ABHD12: variants seen among roughly 807,000 people sequenced by gnomAD.
ABHD12 encodes the protein lysophosphatidylserine lipase ABHD12.
Under a neutral mutation model 58.3 loss-of-function variants are expected in ABHD12, and 43 were observed. The observed-to-expected ratio is 0.74, with a 90% CI of 0.58 to 0.95. The LOEUF is 0.95. Among genes scored for constraint, ABHD12 ranks in the 40% least tolerant of loss-of-function variants. The pLI is 0.00. For missense variants in ABHD12, 539 were observed against 537.2 expected (o/e 1.00, Z -0.03); for synonymous variants, 219 against 211.2 (o/e 1.04, Z -0.32).
At position 25,355,605 on chromosome 20, in the gene ABHD12, C is replaced by T. The variant is rs535506863; in HGVS notation, c.192-16254G>A. Among the ~76,000 whole-genome samples the T allele has an allele frequency of 5.3e-5, 8 of 152,300 alleles. No individual in the cohort carries two copies. In the East Asian group the frequency reaches 1.5e-3, roughly 29 times the overall value. On this transcript the variant is annotated intron_variant, in intron 1 of 12. Coordinates refer to ENST00000339157, the MANE Select transcript of ABHD12 (RefSeq NM_001042472.3). ...GAGACAGTCTTGCTCTGTCACCAGGCTGGAGTGCAGTGGCACGATCCCAGC... is the reference window on the plus strand; with the variant it reads ...GAGACAGTCTTGCTCTGTCACCAGGTTGGAGTGCAGTGGCACGATCCCAGC...
chr20:25,350,045 T>C (rs557545689), intron 1 of ABHD12, among the ~76,000 whole-genome samples: 1 of 152,156 alleles, frequency 6.6e-6, no homozygotes, highest in Non-Finnish European at 1.5e-5. Context: ...GCTTACAAAG[T>C]TAGTAAAATT....
chr20:25,348,244 C>T (rs2089547349), intron 1 of ABHD12, among the ~76,000 whole-genome samples: 2 of 150,896 alleles, frequency 1.3e-5, no homozygotes, highest in Non-Finnish European at 3.0e-5. Context: ...CAGATAAAAA[C>T]AACAAATACA....
chr20:25,298,372 TCTC>T (rs1362604905), downstream of ABHD12, among the ~76,000 whole-genome samples: 2 of 152,102 alleles, frequency 1.3e-5, no homozygotes, highest in South Asian at 2.1e-4. Context: ...TTCAAGCAAT[TCTC>T]CTGCCTCAGC....
At position 25,302,256 on chromosome 20, in the gene ABHD12, A is replaced by G; in HGVS notation, c.1120T>C (p.Tyr374His). 1 of 1,613,680 alleles carries G rather than the reference A, an allele frequency of 6.2e-7. No individual in the cohort carries two copies. The highest frequency in any genetic ancestry group is 8.5e-7 in the Non-Finnish European group (1 of 1,179,984). Residue 374 changes from tyrosine to histidine, a missense_variant, in exon 12 of 13, where the codon TAC becomes CAC. Tyr to His is a moderately conservative substitution (Grantham distance 83). Transcript: ENST00000339157. Reference sequence around the variant, plus strand: ...GGCAGCTCAGGGCTCTTGTAAATGTATTTGTGCCTGTAGCCAAGGTCTGAA... The same window carrying G: ...GGCAGCTCAGGGCTCTTGTAAATGTGTTTGTGCCTGTAGCCAAGGTCTGAA... ...FHSDLGYRHK[Y>H]IYKSPELPRI...
intron 1 of ABHD12, among the ~76,000 whole-genome samples, chr20:25,375,734 A>T (rs1477469013): frequency 6.6e-6 from 1 of 152,060 alleles, no homozygotes; most frequent in Non-Finnish European, 1.5e-5. Flanking sequence ...TGTTTCGTGT[A>T]TGTTGTCGTT....
At chr20:25,381,907 C>A (rs149797374) in intron 1 of ABHD12, among the ~76,000 whole-genome samples, 86 of 152,254 alleles carry the variant, frequency 5.6e-4, no homozygotes, top group African/African-American at 1.9e-3. Flanking sequence ...ATCTGCCTGC[C>A]TCGGCCTCCC....
chr20:25,370,645 T>C lies in ABHD12; in HGVS notation c.191+19868A>G, dbSNP rs868703033. On this transcript the variant is annotated intron_variant, in intron 1 of 12. Transcript: ENST00000339157. ...GTAGTGGAGATGGCAGGTCTGCCAC[T>C]TGGATGGGTGTGCGACCCTGGGCAA... Among the ~76,000 whole-genome samples the C allele has an allele frequency of 1.2e-4, 19 of 152,252 alleles. No individual in the cohort carries two copies. The Middle Eastern group carries it at 0.01, about 82-fold the overall frequency.
At chr20:25,371,052 G>A (rs1356353370) in intron 1 of ABHD12, among the ~76,000 whole-genome samples, 1 of 152,076 alleles carries the variant, frequency 6.6e-6, no homozygotes, top group Non-Finnish European at 1.5e-5. Context: ...CCCATCATGA[G>A]CAAGCTGCAA....
At chr20:25,362,423 C>T (rs547336963) in intron 1 of ABHD12, among the ~76,000 whole-genome samples, 202 of 150,082 alleles carry the variant, frequency 1.3e-3, no homozygotes, top group South Asian at 6.8e-3. Flanking sequence ...AAAAATCAGC[C>T]GGGCGTGGTG....
intron 1 of ABHD12, among the ~76,000 whole-genome samples, chr20:25,348,446 T>TAAAAAAAAAAAAAAAAAAAAAAAAAAAAA (rs59369733): frequency 8.0e-6 from 1 of 124,278 alleles, no homozygotes; most frequent in Non-Finnish European, 1.7e-5. Flanking sequence ...AACCATTTGG[T>TAAAAAAAAAAAAAAAAAAAAAAAAAAAAA]AAAAAAAAAA....
At position 25,376,635 on chromosome 20, in the gene ABHD12, T is replaced by C. The variant is rs189649240; in HGVS notation, c.191+13878A>G. On this transcript the variant is annotated intron_variant, in intron 1 of 12. Coordinates refer to ENST00000339157, the MANE Select transcript of ABHD12 (RefSeq NM_001042472.3). ...TGCTTTATTTTTCTTTATAGCACTT[T>C]ATCACCCTTTGAAATTTTACTGTAT... Among the ~76,000 whole-genome samples, 140 of 152,316 alleles carry C rather than the reference T, an allele frequency of 9.2e-4. 1 individual carries two copies. The South Asian group carries it at 0.013, about 14-fold the overall frequency.
At chr20:25,295,138 TTTTG>T (rs2088520490) in intron 12 of ABHD12, 1 of 1,205,392 alleles carries the variant, frequency 8.3e-7, no homozygotes, top group Non-Finnish European at 1.2e-6. Context: ...AATCTGGCAT[TTTTG>T]TTCAGCACAT....
At chr20:25,339,476 C>A in intron 1 of ABHD12, 125 bp from the exon 2 acceptor site, 1 of 1,472,878 alleles carries the variant, frequency 6.8e-7, no homozygotes, top group Admixed American at 1.9e-5. Context: ...AAGGATACTG[C>A]CAATAATAAA....
chr20:25,300,803 G>A lies in ABHD12; in HGVS notation c.*42C>T, dbSNP rs762690125. Reference sequence around the variant, plus strand: ...CGGGCTGCTGACTGGAGGAAAACGGGAGGAGGGCAGAGGTCTTCATGCTTC... The same window carrying A: ...CGGGCTGCTGACTGGAGGAAAACGGAAGGAGGGCAGAGGTCTTCATGCTTC... On this transcript the variant is annotated 3_prime_UTR_variant, in exon 13 of 13. Coordinates refer to ENST00000339157, the MANE Select transcript of ABHD12 (RefSeq NM_001042472.3). 8.7e-6 allele frequency: 14 copies of A among 1,613,912 alleles called. No individual in the cohort carries two copies. Among genetic ancestry groups the A allele is most frequent in the South Asian group, 3.3e-5 (3 of 91,062 alleles).
chr20:25,316,605 G>T (rs529643500), intron 5 of ABHD12, among the ~76,000 whole-genome samples: 22 of 152,350 alleles, frequency 1.4e-4, no homozygotes, highest in African/African-American at 5.3e-4. Flanking sequence ...GTGATGGGCA[G>T]TCACAGCAGA....
chr20:25,336,723 C>T (rs1469792402), intron 2 of ABHD12, among the ~76,000 whole-genome samples: 1 of 152,194 alleles, frequency 6.6e-6, no homozygotes, highest in Non-Finnish European at 1.5e-5. Flanking sequence ...GACTGCCTTT[C>T]CTCCCAAAGG....
Position 25,360,201 on chromosome 20 carries a change from T to C in ABHD12, c.192-20850A>G, listed in dbSNP as rs6115158. ...GTTACCCAAGCAATTCTTCACTGTGTTTAAATTGCCACCTTGAACACGTTA... is the reference window on the plus strand; with the variant it reads ...GTTACCCAAGCAATTCTTCACTGTGCTTAAATTGCCACCTTGAACACGTTA... On this transcript the variant is annotated intron_variant, in intron 1 of 12. Transcript: ENST00000339157. Among the ~76,000 whole-genome samples, 665 of 149,234 alleles carry C rather than the reference T, an allele frequency of 4.5e-3. 8 individuals carry two copies. The highest frequency in any genetic ancestry group is 0.016 in the African/African-American group (651 of 40,568).
intron 1 of ABHD12, among the ~76,000 whole-genome samples, chr20:25,356,401 C>T (rs970604152): frequency 9.9e-5 from 15 of 152,222 alleles, no homozygotes; most frequent in African/African-American, 2.4e-4. Context: ...CTTTCCCAGG[C>T]GCTGCTCTTG....
intron 1 of ABHD12, among the ~76,000 whole-genome samples, chr20:25,387,746 T>C (rs1264937636): frequency 6.7e-6 from 1 of 149,442 alleles, no homozygotes; most frequent in African/African-American, 2.5e-5. Flanking sequence ...AAAAAAATTG[T>C]TTAAAAATAT....
Sources: allele counts gnomAD v4.1 joint callset (sites outside exome capture counted in the v4.1 genomes callset), GRCh38; gene constraint gnomAD v4.1.1; transcripts MANE v1.5; gene names NCBI Gene and HGNC (gene_info 2026-07-23, HGNC 2026-07-21).